Variants in ADGRL2 observed in about 807,000 individuals in gnomAD.
The protein encoded by ADGRL2 is adhesion G protein-coupled receptor L2, also known as calcium-independent alpha-latrotoxin receptor 2.
A neutral mutation model predicts 157.4 loss-of-function variants in ADGRL2; 44 were observed. The ratio of observed to expected loss-of-function variants is 0.28; its 90% CI spans 0.22 to 0.36. The LOEUF is 0.36. Among genes scored for constraint, ADGRL2 ranks in the 10% least tolerant of loss-of-function variants. The probability of loss-of-function intolerance (pLI) is 1.00; values close to 1 mark genes in which losing one functional copy is unlikely to be tolerated. For synonymous variants in ADGRL2, 585 were observed against 624.7 expected (o/e 0.94, Z 0.95); for missense variants, 1,510 against 1,768.9 (o/e 0.85, Z 2.63).
At chr1:81,465,576 G>T (rs1182476791) in intron 2 of ADGRL2, among the ~76,000 whole-genome samples, 1 of 151,966 alleles carries the variant, frequency 6.6e-6, no homozygotes, top group Non-Finnish European at 1.5e-5. Context: ...TGAGATCATA[G>T]TACAAAGTAA....
At chr1:81,756,565 T>C (rs1444472686) in intron 1 of ADGRL2, among the ~76,000 whole-genome samples, 1 of 152,188 alleles carries the variant, frequency 6.6e-6, no homozygotes, top group Non-Finnish European at 1.5e-5. Context: ...TTTGTGCTTT[T>C]TTGTTAAAAC....
intron 1 of ADGRL2, among the ~76,000 whole-genome samples, chr1:81,398,796 T>C (rs977796089): frequency 6.6e-6 from 1 of 152,216 alleles, no homozygotes; most frequent in Non-Finnish European, 1.5e-5. Context: ...TTCTTACAGA[T>C]GACTTGACAC....
intron 3 of ADGRL2, among the ~76,000 whole-genome samples, chr1:81,924,134 A>T (rs2095049887): frequency 6.6e-6 from 1 of 152,158 alleles, no homozygotes; most frequent in South Asian, 2.1e-4. Context: ...TGTGTGGCTG[A>T]TTCTTCCCGC....
intron 2 of ADGRL2, among the ~76,000 whole-genome samples, chr1:81,507,863 G>T (rs1557743985): frequency 6.6e-6 from 1 of 152,134 alleles, no homozygotes; most frequent in African/African-American, 2.4e-5. Context: ...TGCCTTTAGA[G>T]CCAGCTACAT....
intron 3 of ADGRL2, among the ~76,000 whole-genome samples, chr1:81,913,762 C>T (rs284227): frequency 0.78 from 118,136 of 151,990 alleles, 46,218 homozygotes; most frequent in East Asian, 0.94. Flanking sequence ...CTTTTTACTT[C>T]GCAAGCCTTT....
intron 1 of ADGRL2, among the ~76,000 whole-genome samples, chr1:81,420,739 G>A (rs774315442): frequency 1.3e-4 from 20 of 152,104 alleles, no homozygotes; most frequent in Non-Finnish European, 1.8e-4. Context: ...AAGGCCAGAT[G>A]GGTCCAGTAG....
At chr1:81,731,408 G>A (rs562236374) in intron 1 of ADGRL2, among the ~76,000 whole-genome samples, 5 of 151,998 alleles carry the variant, frequency 3.3e-5, no homozygotes, top group African/African-American at 1.2e-4. Flanking sequence ...TTCAAAATCT[G>A]ATTCAAAACT....
chr1:81,504,493 T>C (rs1035859137), intron 2 of ADGRL2, among the ~76,000 whole-genome samples: 1 of 152,230 alleles, frequency 6.6e-6, no homozygotes, highest in African/African-American at 2.4e-5. Flanking sequence ...GCTGACTTTT[T>C]TTTTTATTTT....
At chr1:81,983,116 C>G (rs1431758346) in intron 19 of ADGRL2, among the ~76,000 whole-genome samples, 1 of 151,840 alleles carries the variant, frequency 6.6e-6, no homozygotes, top group Non-Finnish European at 1.5e-5. Context: ...TGACACAAAT[C>G]ATAGACATAG....
At chr1:81,801,379 GGA>G (rs1283089982) in intron 1 of ADGRL2, among the ~76,000 whole-genome samples, 4 of 152,146 alleles carry the variant, frequency 2.6e-5, no homozygotes, top group African/African-American at 9.7e-5. Flanking sequence ...CAGACCTCGC[GGA>G]GAGTCTGTGT....
At chr1:81,323,841 T>C (rs1227592879) in intron 1 of ADGRL2, among the ~76,000 whole-genome samples, 1 of 152,046 alleles carries the variant, frequency 6.6e-6, no homozygotes, top group Non-Finnish European at 1.5e-5. Context: ...TAAGAGACCC[T>C]TAAAGTAGAA....
In ADGRL2 at chr1:81,990,624, G is replaced by A. The variant is rs146536254; in HGVS notation, c.3889G>A (p.Val1297Ile). ...TCACAACCTCGAGCTCACGCTACCA[G>A]TCAAACCTGTGATTGGAGGTAGCAG... ...KTHNLELTLPVKPVIGGSSSE... is the reference protein window; with the variant it reads ...KTHNLELTLPIKPVIGGSSSE... The change falls in exon 24 of 24, where the codon GTC becomes ATC. Residue 1297 changes from valine (V) to isoleucine (I), a missense_variant. Physicochemically the swap from Val to Ile is conservative, Grantham distance 29 (BLOSUM62 3). Around this residue, in one of 4 missense-constraint regions of ADGRL2, gnomAD observed 327 missense variants for 310.1 expected, o/e 1.05. Coordinates refer to ENST00000686636, the MANE Select transcript of ADGRL2 (RefSeq NM_001366006.2). 5.7e-4 allele frequency: 922 copies of A among 1,614,160 alleles called. 3 individuals carry two copies. In the African/African-American group the frequency reaches 0.011, roughly 19 times the overall value.
At chr1:81,780,231 T>C (rs1170763326) in intron 2 of ADGRL2, among the ~76,000 whole-genome samples, 1 of 152,160 alleles carries the variant, frequency 6.6e-6, no homozygotes, top group East Asian at 1.9e-4. Context: ...TAAAATAAAT[T>C]GGATTAAAAA....
At chr1:81,421,204 CT>C (rs1484241478) in intron 1 of ADGRL2, among the ~76,000 whole-genome samples, 1 of 152,160 alleles carries the variant, frequency 6.6e-6, no homozygotes, top group Non-Finnish European at 1.5e-5. Flanking sequence ...AGAAAAACAA[CT>C]GTTTAAATTA....
rs1443449341 is a variant in ADGRL2 at position 81,966,497 on chromosome 1, G to A, written c.2237G>A (p.Gly746Asp). The change falls in exon 13 of 24, where the codon GGT (glycine) becomes GAT (aspartate). Residue 746 changes from glycine to aspartate, a missense_variant. Gly to Asp is a moderately conservative substitution (Grantham distance 94). Transcript: ENST00000686636. ...ATIKLGADFI[G>D]RNSTIAVNSH... Reference sequence around the variant, plus strand: ...ATTAAACTGGGTGCTGATTTTATTGGTCGTAATAGCACCATTGCAGTGAAC... The same window carrying A: ...ATTAAACTGGGTGCTGATTTTATTGATCGTAATAGCACCATTGCAGTGAAC... The A allele has an allele frequency of 1.2e-6, 2 of 1,613,864 alleles. No individual in the cohort carries two copies. The highest frequency in any genetic ancestry group is 1.7e-5 in the Admixed American group (1 of 60,004).
intron 1 of ADGRL2, among the ~76,000 whole-genome samples, chr1:81,824,178 G>A (rs1260168238): frequency 6.6e-6 from 1 of 152,038 alleles, no homozygotes; most frequent in Admixed American, 6.5e-5. Flanking sequence ...TCAGTGCCTT[G>A]AACAAAGTAT....
intron 2 of ADGRL2, among the ~76,000 whole-genome samples, chr1:81,548,157 GA>G (rs2080063280): frequency 6.6e-6 from 1 of 152,062 alleles, no homozygotes; most frequent in Non-Finnish European, 1.5e-5. Context: ...ACACGTAACT[GA>G]AGAAAGAGTT....
chr1:81,457,789 C>T (rs1177956377), intron 2 of ADGRL2, among the ~76,000 whole-genome samples: 26 of 152,178 alleles, frequency 1.7e-4, no homozygotes, highest in Non-Finnish European at 7.3e-5. Context: ...ACCTTTTACA[C>T]TCTCCAAATG....
upstream of ADGRL2, among the ~76,000 whole-genome samples, chr1:81,796,252 G>C (rs893154270): frequency 6.6e-6 from 1 of 152,184 alleles, no homozygotes; most frequent in Non-Finnish European, 1.5e-5. Flanking sequence ...GCCTCCCAAA[G>C]TGCTGGGATT....
Sources: allele counts gnomAD v4.1 joint callset (sites outside exome capture counted in the v4.1 genomes callset), GRCh38; gene constraint gnomAD v4.1.1; regional missense constraint gnomAD v4.1.1; transcripts MANE v1.5; gene names NCBI Gene and HGNC (gene_info 2026-07-23, HGNC 2026-07-21).